The following ERCC1 variants were observed in gnomAD, a reference collection of about 807,000 sequenced individuals.
The protein encoded by ERCC1 is ERCC excision repair 1, endonuclease non-catalytic subunit, also known as DNA excision repair protein ERCC-1.
Under a neutral mutation model 37.6 loss-of-function variants are expected in ERCC1, and 36 were observed. That is an observed-to-expected ratio of 0.96 (90% CI 0.73 to 1.26). ERCC1 has a LOEUF of 1.26. ERCC1 is among the 50% of genes most tolerant of loss of function. The pLI is 0.00. For missense variants in ERCC1, 349 were observed against 376.5 expected, an observed-to-expected ratio of 0.93 and a Z score of 0.60; for synonymous variants, 156 against 162.1, an observed-to-expected ratio of 0.96 and a Z score of 0.28.
intron 6 of ERCC1, among the ~76,000 whole-genome samples, chr19:45,416,132 C>G (rs1175642721): frequency 1.3e-5 from 2 of 151,976 alleles, no homozygotes; most frequent in Non-Finnish European, 2.9e-5. Flanking sequence ...AAGACCCTGT[C>G]TCAAAAAAAT....
intron 1 of ERCC1, among the ~76,000 whole-genome samples, chr19:45,442,326 AAAAG>A (rs1022124053): frequency 1.4e-5 from 2 of 144,034 alleles, no homozygotes; most frequent in Non-Finnish European, 3.0e-5. Flanking sequence ...AAAAAAAAAA[AAAAG>A]AAAAAGAAAA....
At position 45,432,590 on chromosome 19, in the gene ERCC1, C is replaced by A. The variant is rs186334070; in HGVS notation, c.-7-9209G>T. On this transcript the variant is annotated intron_variant, in intron 1 of 8. Transcript: ENST00000423698. ...ACAGGGTTTCACTCTGTTGCCCAGG[C>A]TGGAGTTCAATGGTGCAGTCATAAC... is the stretch of plus-strand genomic sequence containing the variant. Among the ~76,000 whole-genome samples, 149 of 152,288 alleles carry A rather than the reference C, an allele frequency of 9.8e-4. 1 individual carries two copies. Among genetic ancestry groups the A allele is most frequent in the African/African-American group, 3.5e-3 (145 of 41,550 alleles).
chr19:45,420,674 G>A lies in ERCC1; in HGVS notation c.322-247C>T, dbSNP rs1307203813. ...CAGGCTCCTCCCCTCCATGCCCACT[G>A]GCACCAGGCCTTTCCTAAAGGGTCC... On this transcript the variant is annotated intron_variant, in intron 3 of 9. Transcript: ENST00000300853. The surrounding 1 kb of genome is among the most constrained non-coding windows in gnomAD (Gnocchi z 4.8). Among the ~76,000 whole-genome samples the A allele has an allele frequency of 3.3e-5, 5 of 152,106 alleles. No individual in the cohort carries two copies. The highest frequency in any genetic ancestry group is 1.2e-4 in the African/African-American group (5 of 41,424).
At chr19:45,423,110 A>T (rs1214171428) in intron 2 of ERCC1, among the ~76,000 whole-genome samples, 160 bp downstream of exon 2, 4 of 152,048 alleles carry the variant, frequency 2.6e-5, no homozygotes, top group Non-Finnish European at 5.9e-5. Context: ...CATTTCACAG[A>T]TGGGGAAACT....
intron 1 of ERCC1, among the ~76,000 whole-genome samples, chr19:45,439,015 C>T (rs1975051472): frequency 6.6e-6 from 1 of 151,970 alleles, no homozygotes; most frequent in South Asian, 2.1e-4. Context: ...CTCCCAACCC[C>T]ATCTCTACTA....
At chr19:45,419,704 G>T (rs956483549) in intron 4 of ERCC1, among the ~76,000 whole-genome samples, 3 of 152,166 alleles carry the variant, frequency 2.0e-5, no homozygotes, top group African/African-American at 7.2e-5. Context: ...GTCTGCAGAG[G>T]GGCCCCTAGG....
chr19:45,408,631 G>C lies in ERCC1; in HGVS notation c.*1044C>G, dbSNP rs1446293774. 10 of 1,613,640 alleles carry C rather than the reference G, an allele frequency of 6.2e-6. No homozygotes were observed. Among genetic ancestry groups the C allele is most frequent in the Non-Finnish European group, 6.8e-6 (8 of 1,180,018 alleles). On this transcript the variant is annotated 3_prime_UTR_variant, in exon 10 of 10. Transcript: ENST00000300853. ...AGAAGAAGAAAAAAAATCAGCAGCT[G>C]AAAGAACCAGAGGCAGCAGGGCCTG...
chr19:45,424,100 G>C (rs1706106853), upstream of ERCC1: 8 of 1,032,830 alleles, frequency 7.7e-6, no homozygotes, highest in Non-Finnish European at 9.3e-6. Context: ...CCAGAATCCT[G>C]GCAGGGCTCA....
chr19:45,446,783 A>G (rs1160257894), intron 1 of ERCC1, among the ~76,000 whole-genome samples: 1 of 152,174 alleles, frequency 6.6e-6, no homozygotes, highest in Non-Finnish European at 1.5e-5. Context: ...GCAGATCACG[A>G]GGTCAGGAAT....
At chr19:45,439,072 G>A (rs557849495) in intron 1 of ERCC1, among the ~76,000 whole-genome samples, 4 of 152,210 alleles carry the variant, frequency 2.6e-5, no homozygotes, top group African/African-American at 9.6e-5. Context: ...TGTAATCCCA[G>A]CTACTCGGGA....
Position 45,408,146 on chromosome 19 carries a change from C to T in ERCC1, c.*1529G>A. The T allele has an allele frequency of 1.2e-6, 2 of 1,601,214 alleles. No individual in the cohort carries two copies. The highest frequency in any genetic ancestry group is 8.5e-7 in the Non-Finnish European group (1 of 1,170,560). On this transcript the variant is annotated 3_prime_UTR_variant, in exon 10 of 10. Coordinates refer to ENST00000300853, the MANE Select transcript of ERCC1 (RefSeq NM_001983.4). ...TTCTCTCTGTAGCTTCAATGGGCGG[C>T]ATGTGCCTCTCTCTGGCTCCCAGAT...
At chr19:45,450,787 AAGAG>A (rs1157883828) in intron 1 of ERCC1, 151 of 147,848 alleles carry the variant, frequency 1.0e-3, no homozygotes, top group Middle Eastern at 7.1e-3. Flanking sequence ...AAAAAAAAAA[AAGAG>A]AGAGAGAATG....
upstream of ERCC1, among the ~76,000 whole-genome samples, chr19:45,427,414 G>A (rs1473603706): frequency 6.6e-6 from 1 of 151,924 alleles, no homozygotes; most frequent in East Asian, 1.9e-4. Context: ...TTCAAAACCA[G>A]CCTGGCCAAG....
At chr19:45,449,566 T>C (rs930099076) in intron 1 of ERCC1, among the ~76,000 whole-genome samples, 2 of 152,168 alleles carry the variant, frequency 1.3e-5, no homozygotes, top group South Asian at 4.1e-4. Flanking sequence ...GTTGGTAGGC[T>C]GAGGCGGGAG....
At chr19:45,421,479 T>C in intron 2 of ERCC1, 86 bp from the exon 3 acceptor site, 1 of 979,634 alleles carries the variant, frequency 1.0e-6, no homozygotes, top group Non-Finnish European at 1.5e-6. Flanking sequence ...CCCCTTTCTT[T>C]TTCTTTTTTT....
intron 1 of ERCC1, among the ~76,000 whole-genome samples, chr19:45,437,742 CAA>C (rs779807515): frequency 6.3e-4 from 96 of 152,266 alleles, no homozygotes; most frequent in Middle Eastern, 6.8e-3. Context: ...TCAAAGGGTG[CAA>C]AGTTTCAGCG....
At chr19:45,430,445 T>C (rs895206448) in intron 1 of ERCC1, among the ~76,000 whole-genome samples, 1 of 152,100 alleles carries the variant, frequency 6.6e-6, no homozygotes, top group Non-Finnish European at 1.5e-5. Flanking sequence ...TCTCACTGCT[T>C]GCACTCAGAG....
rs1973453605 is a variant in ERCC1 at position 45,408,066 on chromosome 19, A to C, written c.*1609T>G. 1 of 1,505,450 alleles carries C rather than the reference A, an allele frequency of 6.6e-7. No individual in the cohort carries two copies. The allele number at this position is 1,505,450 out of a possible 1,614,324, so 93.3% of individuals were successfully genotyped here. A position where few individuals can be genotyped will look rare whatever the true frequency, so the allele number is the denominator to read the frequency against. On this transcript the variant is annotated 3_prime_UTR_variant, in exon 10 of 10. Transcript: ENST00000300853. ...AAGACTCTCTCAAAAAAAAACAAAA[A>C]AAAAATCAAAAAACCTTCCCTCTCC...
chr19:45,443,926 C>T (rs540532762), intron 1 of ERCC1, among the ~76,000 whole-genome samples: 1 of 151,812 alleles, frequency 6.6e-6, no homozygotes, highest in Non-Finnish European at 1.5e-5. Context: ...CCAACGCCCC[C>T]CGAAACTCTC....
Sources: allele counts gnomAD v4.1 joint callset (sites outside exome capture counted in the v4.1 genomes callset), GRCh38; gene constraint gnomAD v4.1.1; non-coding constraint Gnocchi (gnomAD v3.1); transcripts MANE v1.5; gene names NCBI Gene and HGNC (gene_info 2026-07-23, HGNC 2026-07-21).